SAXO1: variants seen among roughly 807,000 people sequenced by gnomAD.
The protein encoded by SAXO1 is 4930500O09Rik.
In SAXO1, 21 loss-of-function variants were observed where a neutral mutation model predicts 17.5. That is an observed-to-expected ratio of 1.20 (90% CI 0.85 to 1.72). SAXO1 has a LOEUF of 1.72. Among genes scored for constraint, SAXO1 ranks in the 40% most tolerant of loss-of-function variants. SAXO1 has a pLI of 0.00. For synonymous variants in SAXO1, 274 were observed against 216.5 expected (o/e 1.27, Z -2.33); for missense variants, 843 against 596.0 (o/e 1.41, Z -4.32).
At chr9:18,987,113 C>A (rs1833623180) in intron 1 of SAXO1, among the ~76,000 whole-genome samples, 1 of 152,152 alleles carries the variant, frequency 6.6e-6, no homozygotes, top group African/African-American at 2.4e-5. Flanking sequence ...AACAAAAAAA[C>A]AGCAAAGTGA....
chr9:18,993,799 G>A (rs1168262385), intron 1 of SAXO1, among the ~76,000 whole-genome samples: 4 of 152,146 alleles, frequency 2.6e-5, no homozygotes, highest in Non-Finnish European at 4.4e-5. Context: ...AATCCTTAAA[G>A]TCACCCTATG....
At chr9:19,006,326 G>T (rs924073029) in intron 1 of SAXO1, among the ~76,000 whole-genome samples, 4 of 152,192 alleles carry the variant, frequency 2.6e-5, no homozygotes, top group African/African-American at 9.7e-5. Context: ...TAGACCAATC[G>T]CAGAAGCATT....
intron 1 of SAXO1, among the ~76,000 whole-genome samples, chr9:19,044,665 A>G (rs1266789360): frequency 6.6e-6 from 1 of 151,958 alleles, no homozygotes; most frequent in Non-Finnish European, 1.5e-5. Context: ...GATCGAGACC[A>G]TCCTGGCTAA....
At chr9:19,047,932 C>T (rs1836261191) in intron 1 of SAXO1, among the ~76,000 whole-genome samples, 1 of 152,006 alleles carries the variant, frequency 6.6e-6, no homozygotes, top group Non-Finnish European at 1.5e-5. Context: ...TGGTGAAAGG[C>T]GATCAGATAA....
chr9:19,006,294 C>G (rs984966124), intron 1 of SAXO1, among the ~76,000 whole-genome samples: 1 of 152,192 alleles, frequency 6.6e-6, no homozygotes, highest in Admixed American at 6.5e-5. Flanking sequence ...GAACTGAAAG[C>G]AGGGACTGAA....
intron 1 of SAXO1, among the ~76,000 whole-genome samples, chr9:19,043,408 CAG>C (rs532725264): frequency 8.0e-4 from 122 of 152,074 alleles, no homozygotes; most frequent in African/African-American, 2.7e-3. Flanking sequence ...GGAAGGATAA[CAG>C]GGGGGTTAAG....
At chr9:18,939,052 A>T (rs1263513298) in intron 3 of SAXO1, among the ~76,000 whole-genome samples, 2 of 152,004 alleles carry the variant, frequency 1.3e-5, no homozygotes, top group African/African-American at 4.8e-5. Flanking sequence ...AGCTCTGAAG[A>T]GTCTCTCCCT....
At chr9:18,953,984 C>T (rs1208578854) in intron 1 of SAXO1, among the ~76,000 whole-genome samples, 2 of 152,196 alleles carry the variant, frequency 1.3e-5, no homozygotes, top group Non-Finnish European at 2.9e-5. Flanking sequence ...AGCTTGGCAG[C>T]CATGATCCAA....
At chr9:18,993,843 A>G (rs1345755059) in intron 1 of SAXO1, among the ~76,000 whole-genome samples, 2 of 152,226 alleles carry the variant, frequency 1.3e-5, no homozygotes, top group African/African-American at 4.8e-5. Flanking sequence ...CAAGAGAAGC[A>G]GCTAAAACTT....
chr9:18,964,686 T>C (rs1832643276), intron 1 of SAXO1, among the ~76,000 whole-genome samples: 1 of 152,212 alleles, frequency 6.6e-6, no homozygotes, highest in Non-Finnish European at 1.5e-5. Flanking sequence ...GTCTACTTTG[T>C]TAATCTTTTC....
At chr9:18,995,629 C>T (rs773907919) in intron 1 of SAXO1, among the ~76,000 whole-genome samples, 42 of 152,304 alleles carry the variant, frequency 2.8e-4, no homozygotes, top group Non-Finnish European at 4.1e-4. Context: ...ACAAAGTCCC[C>T]AAGCCTGATG....
In SAXO1 at chr9:19,012,352, G is replaced by A. The variant is rs147183369; in HGVS notation, c.38+20519C>T. Among the ~76,000 whole-genome samples, 462 of 152,358 alleles carry A rather than the reference G, an allele frequency of 3.0e-3. 1 individual carries two copies. The highest frequency in any genetic ancestry group is 0.011 in the African/African-American group (439 of 41,574). On this transcript the variant is annotated intron_variant, in intron 1 of 3. Transcript: ENST00000380534. ...AATCTCTTTAGGGACAGTTAGAGGCGCTAGGGCGCCTCACCCCTAATCCTC... is the reference window on the plus strand; with the variant it reads ...AATCTCTTTAGGGACAGTTAGAGGCACTAGGGCGCCTCACCCCTAATCCTC...
At chr9:18,955,253 T>C (rs1227464058) in intron 1 of SAXO1, among the ~76,000 whole-genome samples, 4 of 148,184 alleles carry the variant, frequency 2.7e-5, no homozygotes, top group Non-Finnish European at 4.5e-5. Context: ...GAAATTAATT[T>C]ATTAATGTTT....
rs200649842 is a variant in SAXO1 at position 18,928,733 on chromosome 9, C to T, written c.744G>A (p.Met248Ile). 2 of 1,614,116 alleles carry T rather than the reference C, an allele frequency of 1.2e-6. No individual in the cohort carries two copies. Among genetic ancestry groups the T allele is most frequent in the African/African-American group, 2.7e-5 (2 of 75,014 alleles). ...TTQKQSYRGLMGEPAKSLKPL... is the reference protein window; with the variant it reads ...TTQKQSYRGLIGEPAKSLKPL... Reference sequence around the variant, plus strand: ...GTTTCAAGCTCTTGGCAGGCTCCCCCATCAGGCCCCGGTAGGATTGTTTTT... The same window carrying T: ...GTTTCAAGCTCTTGGCAGGCTCCCCTATCAGGCCCCGGTAGGATTGTTTTT... The change falls in exon 4 of 4, where the codon ATG becomes ATA. Residue 248 changes from methionine to isoleucine, a missense_variant. Met to Ile is a conservative substitution (Grantham distance 10). Transcript: ENST00000380534.
intron 1 of SAXO1, among the ~76,000 whole-genome samples, chr9:18,992,475 A>G (rs1186581616): frequency 6.6e-6 from 1 of 152,234 alleles, no homozygotes; most frequent in Non-Finnish European, 1.5e-5. Flanking sequence ...TGGTACCTCA[A>G]CTACCTCTGT....
intron 1 of SAXO1, among the ~76,000 whole-genome samples, chr9:18,953,042 C>G (rs1280697093): frequency 6.6e-6 from 1 of 152,242 alleles, no homozygotes; most frequent in Non-Finnish European, 1.5e-5. Context: ...ATCGGTCCGA[C>G]TATCTGAGAT....
chr9:18,934,434 C>G (rs1325434763), intron 3 of SAXO1, among the ~76,000 whole-genome samples: 1 of 152,162 alleles, frequency 6.6e-6, no homozygotes, highest in Non-Finnish European at 1.5e-5. Flanking sequence ...TATGCCAGCT[C>G]AAATCTGCTG....
chr9:19,024,446 G>A (rs1466864827), intron 1 of SAXO1, among the ~76,000 whole-genome samples: 3 of 151,894 alleles, frequency 2.0e-5, no homozygotes, highest in South Asian at 4.2e-4. Flanking sequence ...CAGTTGTGGG[G>A]TGGGGCGAGG....
At chr9:18,987,409 G>C (rs1165258473) in intron 1 of SAXO1, among the ~76,000 whole-genome samples, 1 of 152,176 alleles carries the variant, frequency 6.6e-6, no homozygotes, top group Non-Finnish European at 1.5e-5. Flanking sequence ...CATTATAACT[G>C]AGATTTCAGA....
Sources: allele counts gnomAD v4.1 joint callset (sites outside exome capture counted in the v4.1 genomes callset), GRCh38; gene constraint gnomAD v4.1.1; transcripts MANE v1.5; gene names NCBI Gene and HGNC (gene_info 2026-07-23, HGNC 2026-07-21).